Variants in NCOA2 observed in about 807,000 individuals in gnomAD.
The protein encoded by NCOA2 is class E basic helix-loop-helix protein 75.
A neutral mutation model predicts 145.1 loss-of-function variants in NCOA2; 21 were observed. That is an observed-to-expected ratio of 0.14 (90% CI 0.10 to 0.21). The LOEUF is 0.21. NCOA2 is among the 10% of genes least tolerant of loss of function. The pLI is 1.00. For missense variants in NCOA2, 1,472 were observed against 1,837.6 expected, an observed-to-expected ratio of 0.80 and a Z score of 3.64; for synonymous variants, 619 against 637.5, an observed-to-expected ratio of 0.97 and a Z score of 0.44.
intron 4 of NCOA2, among the ~76,000 whole-genome samples, chr8:70,176,750 C>T (rs572778542): frequency 1.2e-4 from 18 of 152,280 alleles, no homozygotes; most frequent in African/African-American, 4.3e-4. Context: ...GTACTGCTAC[C>T]TGCTGCTTCA....
chr8:70,362,051 C>T (rs77845762), intron 1 of NCOA2, among the ~76,000 whole-genome samples: 4,864 of 152,258 alleles, frequency 0.032, 249 homozygotes, highest in African/African-American at 0.11. Flanking sequence ...TTCATTTCCT[C>T]CATACAGCTG....
chr8:70,267,441 C>T lies in NCOA2; in HGVS notation c.-20+29303G>A, dbSNP rs1443341585. ...TTGAGATAGGGCCTCGCTCTGTCACCCAGGCGGAGTACAGTGACAATCACA... is the reference window on the plus strand; with the variant it reads ...TTGAGATAGGGCCTCGCTCTGTCACTCAGGCGGAGTACAGTGACAATCACA... On this transcript the variant is annotated intron_variant, in intron 2 of 22. Coordinates refer to ENST00000452400, the MANE Select transcript of NCOA2 (RefSeq NM_006540.4). 2.0e-5 allele frequency among the ~76,000 whole-genome samples: 3 copies of T among 149,940 alleles called. No individual in the cohort carries two copies. In the South Asian group the frequency reaches 6.4e-4, roughly 32 times the overall value.
intron 4 of NCOA2, among the ~76,000 whole-genome samples, chr8:70,176,627 A>G (rs1814883249): frequency 6.6e-6 from 1 of 152,174 alleles, no homozygotes; most frequent in African/African-American, 2.4e-5. Context: ...ACAGTAAAAT[A>G]AATGTGCACT....
chr8:70,324,148 A>G (rs1806338922), intron 1 of NCOA2, among the ~76,000 whole-genome samples: 1 of 152,120 alleles, frequency 6.6e-6, no homozygotes, highest in Non-Finnish European at 1.5e-5. Context: ...TGATTATTCT[A>G]CTCCAAATAT....
chr8:70,143,984 G>A (rs1810749543), intron 13 of NCOA2, among the ~76,000 whole-genome samples: 1 of 152,218 alleles, frequency 6.6e-6, no homozygotes, highest in African/African-American at 2.4e-5. Flanking sequence ...CTTCCAATCT[G>A]AACTGGATAT....
chr8:70,265,617 T>C (rs1824503758), intron 2 of NCOA2, among the ~76,000 whole-genome samples: 1 of 152,210 alleles, frequency 6.6e-6, no homozygotes, highest in Non-Finnish European at 1.5e-5. Context: ...TGACTTCCTC[T>C]TCTTCAAAAC....
At chr8:70,269,081 A>G (rs1263219419) in intron 2 of NCOA2, among the ~76,000 whole-genome samples, 4 of 152,196 alleles carry the variant, frequency 2.6e-5, no homozygotes, top group Non-Finnish European at 5.9e-5. Flanking sequence ...ACTATGTGAT[A>G]TATTTACTTC....
chr8:70,345,414 C>G (rs1808520985), intron 1 of NCOA2, among the ~76,000 whole-genome samples: 1 of 152,174 alleles, frequency 6.6e-6, no homozygotes, highest in African/African-American at 2.4e-5. Context: ...CCAATATGTA[C>G]TATCTTCTCT....
At chr8:70,311,459 TA>T (rs1209680523) in intron 1 of NCOA2, among the ~76,000 whole-genome samples, 1 of 152,164 alleles carries the variant, frequency 6.6e-6, no homozygotes, top group Admixed American at 6.5e-5. Context: ...AGAAAAAAAT[TA>T]TCACTGCTAA....
the NCOA2 span, among the ~76,000 whole-genome samples, chr8:70,440,256 A>T: frequency 7.6e-3 from 1,157 of 151,880 alleles, 15 homozygotes; most frequent in African/African-American, 0.026. Flanking sequence ...CAGCCTGGGC[A>T]ACAGAGCGAG....
intron 2 of NCOA2, among the ~76,000 whole-genome samples, chr8:70,229,882 C>T (rs1218504296): frequency 6.6e-6 from 1 of 152,166 alleles, no homozygotes; most frequent in Non-Finnish European, 1.5e-5. Context: ...AAGAAATTGT[C>T]TTGCTCTATG....
chr8:70,424,768 G>T, the NCOA2 span, among the ~76,000 whole-genome samples: 3 of 152,214 alleles, frequency 2.0e-5, no homozygotes, highest in South Asian at 4.1e-4. Flanking sequence ...GCAGTAAAAC[G>T]TTATTTAAGC....
At chr8:70,155,903 G>C (rs1812228069) in intron 11 of NCOA2, 68 bp downstream of exon 11, 1 of 1,250,584 alleles carries the variant, frequency 8.0e-7, no homozygotes, top group African/African-American at 1.5e-5. Context: ...ACTTCAAAAT[G>C]CCCCTATGGA....
chr8:70,452,290 A>G, the NCOA2 span, among the ~76,000 whole-genome samples: 11 of 152,332 alleles, frequency 7.2e-5, no homozygotes, highest in African/African-American at 2.4e-4. Context: ...AATAATTGTA[A>G]TAGTCAGTTC....
intron 2 of NCOA2, among the ~76,000 whole-genome samples, chr8:70,231,911 A>G (rs1821175546): frequency 6.6e-6 from 1 of 152,192 alleles, no homozygotes; most frequent in Non-Finnish European, 1.5e-5. Context: ...TTCTGCCATC[A>G]GACTAGCGCT....
intron 4 of NCOA2, among the ~76,000 whole-genome samples, chr8:70,209,515 G>A (rs151264187): frequency 1.4e-4 from 21 of 152,226 alleles, no homozygotes; most frequent in African/African-American, 5.1e-4. Context: ...GAAAGTAAGA[G>A]TCCATCAGTA....
At chr8:70,365,483 A>G (rs980557386) in intron 1 of NCOA2, among the ~76,000 whole-genome samples, 2 of 152,258 alleles carry the variant, frequency 1.3e-5, no homozygotes, top group African/African-American at 4.8e-5. Context: ...CTGATTATCT[A>G]TGTAGTCTCT....
intron 12 of NCOA2, among the ~76,000 whole-genome samples, chr8:70,147,125 C>CAT (rs1554573873): frequency 6.9e-6 from 1 of 145,406 alleles, no homozygotes; most frequent in East Asian, 2.0e-4. Flanking sequence ...CGCGCGCGCG[C>CAT]GCGTGTGTGT....
intron 1 of NCOA2, among the ~76,000 whole-genome samples, chr8:70,299,273 T>C (rs1025235829): frequency 6.6e-6 from 1 of 152,170 alleles, no homozygotes; most frequent in Non-Finnish European, 1.5e-5. Flanking sequence ...AAAAGCTCTA[T>C]AATAAAGAAG....
Sources: allele counts gnomAD v4.1 joint callset (sites outside exome capture counted in the v4.1 genomes callset), GRCh38; gene constraint gnomAD v4.1.1; transcripts MANE v1.5; gene names NCBI Gene and HGNC (gene_info 2026-07-23, HGNC 2026-07-21).